Variants in LRRC4C observed in about 807,000 individuals in gnomAD.
The protein encoded by LRRC4C is leucine-rich repeat-containing protein 4C.
In LRRC4C, 5 loss-of-function variants were observed where a neutral mutation model predicts 33.6. That is an observed-to-expected ratio of 0.15 (90% CI 0.08 to 0.31). The LOEUF is 0.31. Ranked by LOEUF, LRRC4C falls within the 10% of genes least tolerant of loss-of-function variation. The probability of loss-of-function intolerance (pLI) is 1.00; values close to 1 mark genes in which losing one functional copy is unlikely to be tolerated. For missense variants in LRRC4C, 560 were observed against 796.7 expected (o/e 0.70, Z 3.58); for synonymous variants, 329 against 302.0 (o/e 1.09, Z -0.93).
At chr11:41,442,342 A>G (rs1407781170) in intron 1 of LRRC4C, among the ~76,000 whole-genome samples, 1 of 151,952 alleles carries the variant, frequency 6.6e-6, no homozygotes, top group East Asian at 1.9e-4. Flanking sequence ...ATTTATCAAC[A>G]TATCTTTTCC....
At chr11:41,319,211 T>G in intron 1 of LRRC4C, among the ~76,000 whole-genome samples, 1 of 152,272 alleles carries the variant, frequency 6.6e-6, no homozygotes, top group East Asian at 1.9e-4. Context: ...GGAAAAAAAC[T>G]AACTAAGTAG....
At chr11:40,998,061 A>G (rs901552500) in intron 1 of LRRC4C, among the ~76,000 whole-genome samples, 3 of 152,100 alleles carry the variant, frequency 2.0e-5, no homozygotes, top group African/African-American at 7.2e-5. Flanking sequence ...TTAATGATAA[A>G]GTATACTGCA....
At chr11:40,927,256 C>G (rs1488506012) in intron 2 of LRRC4C, among the ~76,000 whole-genome samples, 1 of 151,984 alleles carries the variant, frequency 6.6e-6, no homozygotes, top group African/African-American at 2.4e-5. Flanking sequence ...CACCTACAAT[C>G]TCAGCTACTC....
intron 3 of LRRC4C, among the ~76,000 whole-genome samples, chr11:40,585,478 T>C (rs1424487289): frequency 6.8e-6 from 1 of 148,138 alleles, no homozygotes; most frequent in African/African-American, 2.5e-5. Context: ...TGTTATTTCT[T>C]TTTTTTTTTA....
chr11:40,343,106 A>G (rs1247753720), intron 3 of LRRC4C, among the ~76,000 whole-genome samples: 1 of 152,110 alleles, frequency 6.6e-6, no homozygotes, highest in Non-Finnish European at 1.5e-5. Context: ...AGTAAATACT[A>G]CACAATTGAA....
intron 3 of LRRC4C, among the ~76,000 whole-genome samples, chr11:40,423,558 A>T (rs965775419): frequency 5.3e-5 from 8 of 151,648 alleles, no homozygotes; most frequent in Admixed American, 1.3e-4. Context: ...GTTAGCCAGG[A>T]TGGTCTCGAT....
intron 2 of LRRC4C, among the ~76,000 whole-genome samples, chr11:40,746,112 G>C (rs758593392): frequency 6.6e-6 from 1 of 152,160 alleles, no homozygotes; most frequent in Non-Finnish European, 1.5e-5. Flanking sequence ...TTGGCTGGGA[G>C]CTGAAAGAGG....
At chr11:40,231,965 T>C (rs1023465321) in intron 5 of LRRC4C, among the ~76,000 whole-genome samples, 6 of 152,180 alleles carry the variant, frequency 3.9e-5, no homozygotes, top group African/African-American at 1.4e-4. Context: ...AAGACACTAG[T>C]GGCTAAAAAT....
At chr11:40,304,735 CTTT>C (rs773650734) in intron 4 of LRRC4C, among the ~76,000 whole-genome samples, 3 of 142,874 alleles carry the variant, frequency 2.1e-5, no homozygotes, top group Admixed American at 7.1e-5. Flanking sequence ...GACTTTCAAC[CTTT>C]TTTTTTTTTT....
intron 2 of LRRC4C, among the ~76,000 whole-genome samples, chr11:40,748,252 T>C (rs1591618623): frequency 1.3e-5 from 2 of 152,120 alleles, no homozygotes; most frequent in East Asian, 3.9e-4. Flanking sequence ...TAGGATAATA[T>C]ATTTAAAGTG....
intron 2 of LRRC4C, among the ~76,000 whole-genome samples, chr11:40,798,319 T>G (rs777326870): frequency 2.0e-5 from 3 of 152,202 alleles, no homozygotes; most frequent in Non-Finnish European, 4.4e-5. Context: ...CCCATCCAGC[T>G]GTCACTCTGA....
intron 4 of LRRC4C, among the ~76,000 whole-genome samples, chr11:40,265,075 T>C (rs1942151756): frequency 6.6e-6 from 1 of 152,200 alleles, no homozygotes; most frequent in South Asian, 2.1e-4. Flanking sequence ...AATAAAGCCT[T>C]CCCTTCTCCT....
intron 2 of LRRC4C, among the ~76,000 whole-genome samples, chr11:40,759,839 T>C (rs1949118150): frequency 1.3e-5 from 2 of 151,330 alleles, no homozygotes; most frequent in Admixed American, 1.3e-4. Context: ...TTCTAGCCAA[T>C]AGAATTATCT....
intron 2 of LRRC4C, among the ~76,000 whole-genome samples, chr11:40,931,913 C>T (rs558899975): frequency 6.6e-6 from 1 of 151,960 alleles, no homozygotes. Context: ...GAGGATCGAT[C>T]CTTCAGTACT....
intron 1 of LRRC4C, among the ~76,000 whole-genome samples, chr11:41,333,515 TG>T (rs1335536120): frequency 6.6e-6 from 1 of 152,206 alleles, no homozygotes. Context: ...CAGGGATATG[TG>T]ACCAGCAATA....
chr11:41,102,727 G>A (rs1478881119), intron 1 of LRRC4C, among the ~76,000 whole-genome samples: 1 of 152,014 alleles, frequency 6.6e-6, no homozygotes, highest in African/African-American at 2.4e-5. Flanking sequence ...AAGGGCAGAG[G>A]AAGTGCGCTC....
chr11:40,709,433 G>C (rs929305393), intron 2 of LRRC4C, among the ~76,000 whole-genome samples: 7 of 152,108 alleles, frequency 4.6e-5, no homozygotes, highest in African/African-American at 1.7e-4. Flanking sequence ...CTGCTTGTCT[G>C]TAAAGGATTT....
intron 3 of LRRC4C, among the ~76,000 whole-genome samples, chr11:40,365,884 T>C: frequency 6.6e-6 from 1 of 152,206 alleles, no homozygotes. Flanking sequence ...TATTGATATA[T>C]TTTTAATTGG....
intron 1 of LRRC4C, among the ~76,000 whole-genome samples, chr11:41,184,930 G>T (rs1443762822): frequency 6.6e-6 from 1 of 152,078 alleles, no homozygotes; most frequent in East Asian, 1.9e-4. Context: ...GATGGTGGCA[G>T]GCAAATAGAG....
Sources: allele counts gnomAD v4.1 joint callset (sites outside exome capture counted in the v4.1 genomes callset), GRCh38; gene constraint gnomAD v4.1.1; transcripts MANE v1.5; gene names NCBI Gene and HGNC (gene_info 2026-07-23, HGNC 2026-07-21).